The following EXTL3 variants were observed in gnomAD, a reference collection of about 807,000 sequenced individuals.
EXTL3 encodes the protein exostosin like glycosyltransferase 3, also known as exostosin-like 3.
Under a neutral mutation model 69.3 loss-of-function variants are expected in EXTL3, and 27 were observed. The observed-to-expected ratio is 0.39, with a 90% CI of 0.29 to 0.54. The LOEUF is 0.54. Ranked by LOEUF, EXTL3 falls within the 20% of genes least tolerant of loss-of-function variation. The probability of loss-of-function intolerance (pLI) is 0.69; values close to 1 mark genes in which losing one functional copy is unlikely to be tolerated. For missense variants in EXTL3, 1,003 were observed against 1,231.8 expected (o/e 0.81, Z 2.78); for synonymous variants, 511 against 499.4 (o/e 1.02, Z -0.31).
chr8:28,671,312 T>TG (rs1387956447), intron 1 of EXTL3, among the ~76,000 whole-genome samples: 1 of 143,036 alleles, frequency 7.0e-6, no homozygotes, highest in East Asian at 2.1e-4. Flanking sequence ...GTTTTTTGTT[T>TG]TTTTTTTTTT....
In EXTL3 at chr8:28,663,822, A is replaced by G. The variant is rs565386665; in HGVS notation, c.-53+41012A>G. The stretch of plus-strand genomic sequence containing the variant: ...AGACAGCGTTCTCAAACCTCCCCTC[A>G]GCAAGACAGTTTCAGGCAGAGGCTG... On this transcript the variant is annotated intron_variant, in intron 1 of 6. Coordinates refer to the EXTL3 transcript ENST00000523149. Among the ~76,000 whole-genome samples the G allele has an allele frequency of 8.1e-4, 123 of 152,236 alleles. 1 individual carries two copies. Among genetic ancestry groups the G allele is most frequent in the South Asian group, 4.6e-3 (22 of 4,828 alleles).
At chr8:28,688,704 C>G (rs1207507899) in intron 1 of EXTL3, among the ~76,000 whole-genome samples, 1 of 152,174 alleles carries the variant, frequency 6.6e-6, no homozygotes, top group Non-Finnish European at 1.5e-5. Flanking sequence ...AGGCCTGAGA[C>G]TGAACCTGTT....
chr8:28,742,957 C>G, intron 5 of EXTL3, 129 bp from the exon 6 acceptor site: 2 of 954,956 alleles, frequency 2.1e-6, no homozygotes, highest in Non-Finnish European at 3.4e-6. Flanking sequence ...GCCCCAGTCC[C>G]TAAGTGCCAG....
intron 1 of EXTL3, among the ~76,000 whole-genome samples, chr8:28,660,717 C>T (rs958426779): frequency 1.1e-4 from 16 of 152,154 alleles, no homozygotes; most frequent in South Asian, 4.1e-4. Context: ...CCCCATCCCC[C>T]GGCAACTCCC....
intron 3 of EXTL3, among the ~76,000 whole-genome samples, chr8:28,719,885 A>G (rs1801259325): frequency 6.6e-6 from 1 of 152,244 alleles, no homozygotes; most frequent in Non-Finnish European, 1.5e-5. Flanking sequence ...AGAACTTACC[A>G]GAATGAATCT....
intron 1 of EXTL3, among the ~76,000 whole-genome samples, chr8:28,631,068 A>G (rs1806564377): frequency 6.6e-6 from 1 of 152,220 alleles, no homozygotes; most frequent in Non-Finnish European, 1.5e-5. Flanking sequence ...GCCACGACAG[A>G]AAAGGAAACA....
intron 1 of EXTL3, among the ~76,000 whole-genome samples, chr8:28,652,189 TTCTG>T (rs1257418652): frequency 6.6e-6 from 1 of 151,656 alleles, no homozygotes; most frequent in African/African-American, 2.4e-5. Flanking sequence ...TTTTTACTTC[TTCTG>T]GGTGTTTTCA....
intron 1 of EXTL3, among the ~76,000 whole-genome samples, chr8:28,639,889 G>A (rs1179751459): frequency 6.6e-6 from 1 of 152,194 alleles, no homozygotes. Flanking sequence ...GATCACTTGA[G>A]GTCAGGAGTT....
chr8:28,724,429 C>G (rs1487812077), intron 3 of EXTL3, among the ~76,000 whole-genome samples: 3 of 152,130 alleles, frequency 2.0e-5, no homozygotes, highest in Non-Finnish European at 4.4e-5. Context: ...CGTTTTCTTG[C>G]TTTCTGCCCC....
At chr8:28,674,737 G>A (rs2130648566) in intron 1 of EXTL3, among the ~76,000 whole-genome samples, 1 of 152,282 alleles carries the variant, frequency 6.6e-6, no homozygotes, top group South Asian at 2.1e-4. Context: ...ATAAAGCTGA[G>A]GACATTGAGC....
chr8:28,748,691 G>A (rs1255661001), intron 6 of EXTL3, among the ~76,000 whole-genome samples: 2 of 152,118 alleles, frequency 1.3e-5, no homozygotes, highest in Non-Finnish European at 2.9e-5. Context: ...CCGTTGCCCC[G>A]GGGAGATGAC....
chr8:28,647,697 C>T (rs1215670428), intron 1 of EXTL3, among the ~76,000 whole-genome samples: 1 of 152,098 alleles, frequency 6.6e-6, no homozygotes, highest in African/African-American at 2.4e-5. Flanking sequence ...CTTGCCAACA[C>T]TTTTTTCTAG....
intron 1 of EXTL3, among the ~76,000 whole-genome samples, chr8:28,640,593 T>C (rs1806727429): frequency 6.6e-6 from 1 of 152,174 alleles, no homozygotes; most frequent in Non-Finnish European, 1.5e-5. Context: ...TTAGCACTTT[T>C]ATGTATTTTT....
At chr8:28,668,852 T>G (rs1807239739) in intron 1 of EXTL3, among the ~76,000 whole-genome samples, 1 of 134,080 alleles carries the variant, frequency 7.5e-6, no homozygotes, top group African/African-American at 3.0e-5. Context: ...CCCTGCCTCC[T>G]TTGATAGAAT....
Position 28,661,197 on chromosome 8 carries a change from T to C in EXTL3, c.-53+38387T>C, listed in dbSNP as rs114859042. On this transcript the variant is annotated intron_variant, in intron 1 of 6. Transcript: ENST00000523149. The stretch of plus-strand genomic sequence containing the variant: ...CAAAGTGCTGGGATTACAGGTGTGA[T>C]TGTTTGTTTCTATTGTTTACATACA... Among the ~76,000 whole-genome samples the C allele has an allele frequency of 4.0e-3, 606 of 152,002 alleles. 4 individuals carry two copies. Among genetic ancestry groups the C allele is most frequent in the African/African-American group, 0.013 (554 of 41,478 alleles).
At chr8:28,700,158 TGGTAACAGTAAG>T (rs1197359506), upstream of EXTL3, 1 of 152,100 alleles carries the variant, frequency 6.6e-6, no homozygotes, top group East Asian at 1.9e-4. Flanking sequence ...TTCAACAAAT[TGGTAACAGTAAG>T]GGTTGCATAT....
chr8:28,726,177 A>G (rs1306538671), intron 3 of EXTL3, among the ~76,000 whole-genome samples: 1 of 151,948 alleles, frequency 6.6e-6, no homozygotes, highest in African/African-American at 2.4e-5. Flanking sequence ...GATGGTCTGG[A>G]TCTCTTGACC....
At chr8:28,657,134 G>C (rs1807024310) in intron 1 of EXTL3, among the ~76,000 whole-genome samples, 1 of 151,968 alleles carries the variant, frequency 6.6e-6, no homozygotes, top group Non-Finnish European at 1.5e-5. Context: ...GTAAAGTGGA[G>C]GTTTCGCCAT....
intron 6 of EXTL3, chr8:28,744,152 G>A (rs977646213): frequency 3.9e-5 from 6 of 152,126 alleles, no homozygotes; most frequent in Admixed American, 3.3e-4. Context: ...TATAGAATCT[G>A]TCACTCCAAA....
Sources: gnomAD v4.1 joint callset for allele counts (sites outside exome capture counted in the v4.1 genomes callset) on GRCh38, gnomAD v4.1.1 for gene constraint, MANE v1.5 for transcripts, NCBI Gene and HGNC (gene_info 2026-07-23, HGNC 2026-07-21) for gene names.